AVL9: variants seen among roughly 807,000 people sequenced by gnomAD.
AVL9 encodes late secretory pathway protein AVL9 homolog.
Under a neutral mutation model 79.2 loss-of-function variants are expected in AVL9, and 49 were observed. The observed-to-expected ratio is 0.62, with a 90% CI of 0.49 to 0.79. The LOEUF (loss-of-function observed/expected upper bound fraction) is 0.79. Ranked by LOEUF, AVL9 falls within the 30% of genes least tolerant of loss-of-function variation. The probability of loss-of-function intolerance (pLI) is 0.00; values close to 1 mark genes in which losing one functional copy is unlikely to be tolerated. For missense variants in AVL9, 682 were observed against 776.8 expected, an observed-to-expected ratio of 0.88 and a Z score of 1.45; for synonymous variants, 299 against 280.6, an observed-to-expected ratio of 1.07 and a Z score of -0.65.
At chr7:32,522,154 G>C (rs1238212251) in intron 1 of AVL9, among the ~76,000 whole-genome samples, 4 of 152,262 alleles carry the variant, frequency 2.6e-5, no homozygotes, top group Non-Finnish European at 4.4e-5. Context: ...CCCCCACACA[G>C]AGTCCCTACT....
chr7:32,552,096 G>T (rs1018528311), intron 5 of AVL9, 133 bp from the exon 6 acceptor site: 32 of 602,582 alleles, frequency 5.3e-5, no homozygotes, highest in Non-Finnish European at 9.0e-6. Flanking sequence ...AGAGAGGCTT[G>T]ATTGTTTTTA....
intron 1 of AVL9, among the ~76,000 whole-genome samples, chr7:32,522,721 G>A (rs779322883): frequency 3.3e-5 from 5 of 152,118 alleles, no homozygotes; most frequent in African/African-American, 4.8e-5. Context: ...TTTGGAGGGC[G>A]CAGGGGTGTG....
rs1223669167 is a variant in AVL9 at position 32,576,078 on chromosome 7, C to T, written c.1688+6C>T. 1.3e-5 allele frequency: 21 copies of T among 1,589,060 alleles called. No homozygotes were observed. The highest frequency in any genetic ancestry group is 3.3e-4 in the Middle Eastern group (2 of 6,020). On this transcript the variant is annotated splice_donor_region_variant and intron_variant, in intron 13 of 15. Transcript: ENST00000318709. The stretch of plus-strand genomic sequence containing the variant: ...CTTGCAGAAATAAATCCAAAGTAAG[C>T]GCGTCCTCTGAAGATTGATAGTACA...
intron 1 of AVL9, among the ~76,000 whole-genome samples, chr7:32,524,724 A>G (rs1788326537): frequency 1.3e-5 from 2 of 152,154 alleles, no homozygotes; most frequent in South Asian, 2.1e-4. Context: ...TAGAAGCTGC[A>G]GTGCTAGTTG....
At chr7:32,549,132 G>GT (rs1392475200) in intron 4 of AVL9, among the ~76,000 whole-genome samples, 1 of 151,216 alleles carries the variant, frequency 6.6e-6, no homozygotes, top group African/African-American at 2.4e-5. Flanking sequence ...CTATTGGAAA[G>GT]TAAGTTGACA....
intron 1 of AVL9, 136 bp downstream of exon 1, chr7:32,495,938 C>T: frequency 2.0e-6 from 1 of 500,130 alleles, no homozygotes; most frequent in Non-Finnish European, 3.3e-6. Flanking sequence ...GCCTCTCAAC[C>T]TGACTCCTTT....
rs1413063986 is a variant in AVL9, at chr7:32,570,169, G to A, written c.1350+15G>A. 4 of 1,613,862 alleles carry A rather than the reference G, an allele frequency of 2.5e-6. No individual in the cohort carries two copies. Among genetic ancestry groups the A allele is most frequent in the Non-Finnish European group, 3.4e-6 (4 of 1,179,890 alleles). ...CCATTGTGGAAGTACGTTTATGTGT[G>A]AGTGTGTGTATTTGGCCCTGCTCAT... On this transcript the variant is annotated intron_variant, in intron 11 of 15. Coordinates refer to ENST00000318709, the MANE Select transcript of AVL9 (RefSeq NM_015060.3).
intron 10 of AVL9, among the ~76,000 whole-genome samples, chr7:32,565,381 G>A (rs1790514275): frequency 6.6e-6 from 1 of 152,044 alleles, no homozygotes. Context: ...CCAACATGGA[G>A]AAACCCCGTC....
At chr7:32,547,803 A>T (rs1789593743) in intron 3 of AVL9, among the ~76,000 whole-genome samples, 1 of 152,188 alleles carries the variant, frequency 6.6e-6, no homozygotes, top group African/African-American at 2.4e-5. Flanking sequence ...CTCCACAGCT[A>T]ATTTAAAGTC....
intron 13 of AVL9, among the ~76,000 whole-genome samples, chr7:32,579,448 ATATTATATATTATAT>A (rs1791295520): frequency 1.7e-4 from 1 of 5,814 alleles, no homozygotes; most frequent in African/African-American, 7.8e-4. Context: ...TATATATAAT[ATATTATATATTATAT>A]ATAATATATT....
At chr7:32,580,385 G>T (rs1003827461) in intron 14 of AVL9, 113 bp downstream of exon 14, 18 of 815,266 alleles carry the variant, frequency 2.2e-5, no homozygotes, top group African/African-American at 5.2e-5. Context: ...GCTTCAAATA[G>T]TAACCAAATA....
intron 1 of AVL9, among the ~76,000 whole-genome samples, chr7:32,500,821 A>G (rs1399673335): frequency 1.3e-5 from 2 of 152,166 alleles, no homozygotes; most frequent in Non-Finnish European, 2.9e-5. Context: ...AGTTTTCTGC[A>G]TATGGCTTGC....
intron 10 of AVL9, among the ~76,000 whole-genome samples, chr7:32,567,425 G>A (rs6462380): frequency 0.81 from 122,953 of 152,142 alleles, 49,811 homozygotes; most frequent in Middle Eastern, 0.88. Flanking sequence ...TTTTAAAGCT[G>A]TTTTGAACTA....
intron 8 of AVL9, among the ~76,000 whole-genome samples, chr7:32,556,519 AAATGAATG>A (rs1554343042): frequency 6.7e-6 from 1 of 149,458 alleles, no homozygotes; most frequent in Non-Finnish European, 1.5e-5. Context: ...ATCTCAAAGT[AAATGAATG>A]AATGAATGAA....
intron 1 of AVL9, chr7:32,536,100 G>A (rs1032570764): frequency 6.6e-6 from 1 of 152,164 alleles, no homozygotes; most frequent in Non-Finnish European, 1.5e-5. Flanking sequence ...TTTTTTCATA[G>A]CAGTATGAGG....
rs755632788 is a variant in AVL9, at chr7:32,585,208, C to G, written c.*1301C>G. 3 of 152,184 alleles carry G rather than the reference C, an allele frequency of 2.0e-5. No individual in the cohort carries two copies. Among genetic ancestry groups the G allele is most frequent in the Admixed American group, 6.5e-5 (1 of 15,276 alleles). 9.4% of individuals were successfully genotyped at this position (152,184 alleles called of 1,614,324 possible). A position where few individuals can be genotyped will look rare whatever the true frequency, so the allele number is the denominator to read the frequency against. Reference sequence around the variant, plus strand: ...TCCTCCTATAATCAATCCCTACCCCCTTCTAGAAGTATCTTAAAAGAAAAG... The same window carrying G: ...TCCTCCTATAATCAATCCCTACCCCGTTCTAGAAGTATCTTAAAAGAAAAG... On this transcript the variant is annotated 3_prime_UTR_variant, in exon 16 of 16. Transcript: ENST00000318709.
intron 13 of AVL9, among the ~76,000 whole-genome samples, chr7:32,578,783 G>A (rs548330597): frequency 3.3e-5 from 5 of 152,224 alleles, no homozygotes; most frequent in African/African-American, 1.2e-4. Context: ...CTCCAGCCTG[G>A]GTAACAGTGA....
chr7:32,570,133 C>A lies in AVL9; in HGVS notation c.1329C>A (p.His443Gln). ...ATNILFRQQK[H>Q]LSDAIVEVEE... ...ACATCCTTTTTCGACAACAGAAACACCTCAGTGATGCCATTGTGGAAGTAC... is the reference window on the plus strand; with the variant it reads ...ACATCCTTTTTCGACAACAGAAACAACTCAGTGATGCCATTGTGGAAGTAC... The change falls in exon 11 of 16, where the codon CAC becomes CAA. Residue 443 changes from histidine (H) to glutamine (Q), a missense_variant. Transcript: ENST00000318709. The A allele has an allele frequency of 6.2e-7, 1 of 1,614,178 alleles. No individual in the cohort carries two copies. Among genetic ancestry groups the A allele is most frequent in the South Asian group, 1.1e-5 (1 of 91,086 alleles).
chr7:32,573,515 C>T, intron 12 of AVL9, 97 bp downstream of exon 12: 2 of 1,105,596 alleles, frequency 1.8e-6, no homozygotes, highest in Non-Finnish European at 2.6e-6. Flanking sequence ...AATACATATT[C>T]CTTATAGAAA....
Sources: allele counts gnomAD v4.1 joint callset (sites outside exome capture counted in the v4.1 genomes callset), GRCh38; gene constraint gnomAD v4.1.1; transcripts MANE v1.5; gene names NCBI Gene and HGNC (gene_info 2026-07-23, HGNC 2026-07-21).